XKR9: variants seen among roughly 807,000 people sequenced by gnomAD.
XKR9 encodes XK related 9.
A neutral mutation model predicts 32.0 loss-of-function variants in XKR9; 32 were observed. That is an observed-to-expected ratio of 1.00 (90% CI 0.76 to 1.34). The LOEUF (loss-of-function observed/expected upper bound fraction) is 1.34. XKR9 is among the 40% of genes most tolerant of loss of function. XKR9 has a pLI of 0.00. For missense variants in XKR9, 546 were observed against 429.7 expected, an observed-to-expected ratio of 1.27 and a Z score of -2.39; for synonymous variants, 168 against 143.4, an observed-to-expected ratio of 1.17 and a Z score of -1.22.
the XKR9 span, among the ~76,000 whole-genome samples, chr8:71,001,351 C>G: frequency 6.6e-6 from 1 of 152,070 alleles, no homozygotes; most frequent in Admixed American, 6.6e-5. Flanking sequence ...AGCCTCAACT[C>G]CCCGGGTTCA....
At chr8:70,963,153 C>T in the XKR9 span, among the ~76,000 whole-genome samples, 1 of 151,918 alleles carries the variant, frequency 6.6e-6, no homozygotes, top group East Asian at 1.9e-4. Context: ...GTGTGTGTTG[C>T]TCCCACCTCA....
At chr8:71,001,219 G>T in the XKR9 span, among the ~76,000 whole-genome samples, 2 of 152,046 alleles carry the variant, frequency 1.3e-5, no homozygotes, top group South Asian at 4.1e-4. Flanking sequence ...AATAGGCATG[G>T]GATCGAAGGT....
chr8:70,918,912 T>A, the XKR9 span, among the ~76,000 whole-genome samples: 2 of 150,830 alleles, frequency 1.3e-5, no homozygotes, highest in African/African-American at 4.9e-5. Context: ...TGAGTAGCTG[T>A]GACTACAGGC....
At chr8:71,062,897 A>AT in the XKR9 span, among the ~76,000 whole-genome samples, 287 of 152,234 alleles carry the variant, frequency 1.9e-3, 3 homozygotes, top group Admixed American at 0.016. Flanking sequence ...CAGTCCATTG[A>AT]TTACACTGCT....
At chr8:71,035,540 C>G in the XKR9 span, among the ~76,000 whole-genome samples, 1 of 152,156 alleles carries the variant, frequency 6.6e-6, no homozygotes, top group East Asian at 1.9e-4. Flanking sequence ...AATTTGGTGG[C>G]AGAATTGCTG....
intron 3 of XKR9, among the ~76,000 whole-genome samples, chr8:70,699,389 A>G (rs1286225705): frequency 6.6e-6 from 1 of 151,896 alleles, no homozygotes; most frequent in Non-Finnish European, 1.5e-5. Flanking sequence ...TGGTGACAAA[A>G]TCTCTCAGCA....
chr8:70,979,135 T>A, the XKR9 span, among the ~76,000 whole-genome samples: 2 of 152,152 alleles, frequency 1.3e-5, no homozygotes, highest in Non-Finnish European at 2.9e-5. Context: ...TAGCCATTCA[T>A]CTAATCTTTT....
At chr8:70,742,841 C>T (rs754402529) in intron 2 of XKR9, among the ~76,000 whole-genome samples, 34 of 152,124 alleles carry the variant, frequency 2.2e-4, no homozygotes, top group South Asian at 6.2e-4. Flanking sequence ...TTACCTTTAG[C>T]TGTTGGTTTG....
At chr8:70,721,465 T>A (rs1806279058) in intron 4 of XKR9, among the ~76,000 whole-genome samples, 2 of 152,226 alleles carry the variant, frequency 1.3e-5, no homozygotes, top group Non-Finnish European at 2.9e-5. Context: ...CTCCAAACAC[T>A]GTTTTAGCTG....
intron 4 of XKR9, among the ~76,000 whole-genome samples, chr8:70,710,178 C>G (rs1452184511): frequency 2.0e-5 from 3 of 152,070 alleles, no homozygotes; most frequent in Non-Finnish European, 4.4e-5. Flanking sequence ...TCGACAGTAA[C>G]AAGCAACAGG....
At chr8:70,759,186 CA>C in intron 2 of XKR9, among the ~76,000 whole-genome samples, 1 of 152,166 alleles carries the variant, frequency 6.6e-6, no homozygotes, top group East Asian at 1.9e-4. Context: ...ATTTTCTTGC[CA>C]AATGTTTTCT....
At chr8:70,865,573 G>A in the XKR9 span, among the ~76,000 whole-genome samples, 3 of 151,942 alleles carry the variant, frequency 2.0e-5, no homozygotes, top group African/African-American at 7.3e-5. Context: ...GGTGTAAGTT[G>A]GTGAGTCCAG....
downstream of XKR9, among the ~76,000 whole-genome samples, chr8:70,737,075 T>C (rs375790516): frequency 4.1e-4 from 60 of 147,578 alleles, no homozygotes; most frequent in South Asian, 6.4e-4. Flanking sequence ...GCCATTTTCA[T>C]GATATTGATT....
chr8:70,704,763 A>G (rs1348077291), intron 3 of XKR9, among the ~76,000 whole-genome samples: 1 of 152,216 alleles, frequency 6.6e-6, no homozygotes, highest in Admixed American at 6.5e-5. Context: ...AAGAACAGGA[A>G]TCACATACTC....
the XKR9 span, among the ~76,000 whole-genome samples, chr8:70,941,438 A>C: frequency 6.6e-6 from 1 of 152,140 alleles, no homozygotes; most frequent in Non-Finnish European, 1.5e-5. Flanking sequence ...GGAGTTAGCT[A>C]TACTTAAAAC....
the XKR9 span, among the ~76,000 whole-genome samples, chr8:70,974,809 C>T: frequency 6.6e-6 from 1 of 152,176 alleles, no homozygotes; most frequent in Non-Finnish European, 1.5e-5. Flanking sequence ...CTTGAGGAAA[C>T]ACCACACTGT....
At chr8:70,994,569 A>C in the XKR9 span, among the ~76,000 whole-genome samples, 1 of 152,170 alleles carries the variant, frequency 6.6e-6, no homozygotes, top group South Asian at 2.1e-4. Flanking sequence ...TTTCAGTTTG[A>C]ATATGATAGG....
intron 4 of XKR9, among the ~76,000 whole-genome samples, chr8:70,714,994 GA>G (rs1164202670): frequency 6.6e-6 from 1 of 152,014 alleles, no homozygotes; most frequent in Non-Finnish European, 1.5e-5. Flanking sequence ...CAATATGATA[GA>G]AAAAAATATG....
the XKR9 span, among the ~76,000 whole-genome samples, chr8:70,930,354 C>A: frequency 3.3e-5 from 5 of 152,058 alleles, no homozygotes; most frequent in Non-Finnish European, 7.4e-5. Context: ...GATGAAAGAA[C>A]CTAGTGAGAA....
Sources: gnomAD v4.1 joint callset for allele counts (sites outside exome capture counted in the v4.1 genomes callset) on GRCh38, gnomAD v4.1.1 for gene constraint, MANE v1.5 for transcripts, NCBI Gene and HGNC (gene_info 2026-07-23, HGNC 2026-07-21) for gene names.